The following ARHGEF11 variants were observed in gnomAD, a reference collection of about 807,000 sequenced individuals.
ARHGEF11 encodes the protein Rho guanine nucleotide exchange factor 11, also known as Rho guanine exchange factor (GEF) 11.
ARHGEF11 carries 55 observed loss-of-function variants against 193.7 expected under a neutral mutation model. The ratio of observed to expected loss-of-function variants is 0.28; its 90% CI spans 0.23 to 0.36. The LOEUF is 0.36. Ranked by LOEUF, ARHGEF11 falls within the 10% of genes least tolerant of loss-of-function variation. The pLI, the probability that ARHGEF11 is intolerant of heterozygous loss-of-function variation, is 1.00. For synonymous variants in ARHGEF11, 693 were observed against 768.0 expected (o/e 0.90, Z 1.62); for missense variants, 1,723 against 2,005.6 (o/e 0.86, Z 2.69).
chr1:156,967,954 A>T, intron 11 of ARHGEF11, 33 bp downstream of exon 11: 1 of 1,612,934 alleles, frequency 6.2e-7, no homozygotes, highest in Non-Finnish European at 8.5e-7. Context: ...TTCTGAGAAA[A>T]GGAAAACTGC....
intron 1 of ARHGEF11, among the ~76,000 whole-genome samples, chr1:156,992,906 A>G (rs1665964805): frequency 1.3e-5 from 2 of 152,200 alleles, no homozygotes; most frequent in Admixed American, 1.3e-4. Context: ...TTAAAGAAAC[A>G]AAGAGAAGCA....
chr1:157,043,703 T>C (rs1673031342), intron 1 of ARHGEF11, among the ~76,000 whole-genome samples: 1 of 152,152 alleles, frequency 6.6e-6, no homozygotes, highest in Non-Finnish European at 1.5e-5. Flanking sequence ...GGAGAGGAAA[T>C]TCTAATGTGA....
chr1:156,950,453 T>C (rs950114308), intron 22 of ARHGEF11, among the ~76,000 whole-genome samples: 6 of 151,610 alleles, frequency 4.0e-5, no homozygotes, highest in African/African-American at 7.3e-5. Context: ...CTGGGCAACA[T>C]AGTGAGACTG....
chr1:157,015,193 C>T (rs920972363), intron 1 of ARHGEF11, among the ~76,000 whole-genome samples: 2 of 152,156 alleles, frequency 1.3e-5, no homozygotes, highest in African/African-American at 4.8e-5. Context: ...TTCCCCTCTA[C>T]TTCAGGAATT....
At chr1:156,957,680 G>T in intron 18 of ARHGEF11, 112 bp downstream of exon 18, 1 of 1,197,644 alleles carries the variant, frequency 8.3e-7, no homozygotes, top group Non-Finnish European at 1.2e-6. Context: ...GGTCCTTCAT[G>T]GTTGTACAAC....
chr1:156,969,416 C>A, intron 9 of ARHGEF11, 58 bp from the exon 10 acceptor site: 1 of 1,510,716 alleles, frequency 6.6e-7, no homozygotes, highest in Admixed American at 1.9e-5. Flanking sequence ...GGAAAGAGAG[C>A]CTTTATTCTG....
In ARHGEF11 at chr1:156,978,246, A is replaced by T; in HGVS notation, c.468T>A (p.Pro156=). 6.2e-7 allele frequency: 1 copy of T among 1,614,086 alleles called. No homozygotes were observed. The highest frequency in any genetic ancestry group is 8.5e-7 in the Non-Finnish European group (1 of 1,180,000). ...SVIPSPPPPP[P]LPPPQRITGP... The stretch of plus-strand genomic sequence containing the variant: ...CTGTGATGCGTTGTGGAGGTGGTAG[A>T]GGTGGAGGAGGTGGTGGTGAGGGGA... The change falls in exon 6 of 41, where the codon CCT becomes CCA. Residue 156 remains proline (P), a synonymous_variant. Transcript: ENST00000368194.
chr1:156,951,808 G>C lies in ARHGEF11; in HGVS notation c.1799-109C>G, dbSNP rs372790561. Reference sequence around the variant, plus strand: ...GACAGAGCAATGAGCAAGCGTGGATGAGAACAGCACTGGACCAAGAGTCAG... The same window carrying C: ...GACAGAGCAATGAGCAAGCGTGGATCAGAACAGCACTGGACCAAGAGTCAG... On this transcript the variant is annotated intron_variant, in intron 21 of 40. Coordinates refer to ENST00000368194, the MANE Select transcript of ARHGEF11 (RefSeq NM_198236.3). The C allele has an allele frequency of 5.8e-4, 821 of 1,423,978 alleles. 12 individuals are homozygous for C. In the South Asian group the frequency reaches 1.0e-2, roughly 17 times the overall value. The allele number at this position is 1,423,978 out of a possible 1,614,324, so 88.2% of individuals were successfully genotyped here.
chr1:157,040,475 C>T (rs1185720009), intron 1 of ARHGEF11, among the ~76,000 whole-genome samples: 1 of 152,186 alleles, frequency 6.6e-6, no homozygotes, highest in African/African-American at 2.4e-5. Flanking sequence ...CAGAACAAAT[C>T]CTTTCTATCC....
chr1:156,946,525 CT>C, intron 28 of ARHGEF11, 136 bp downstream of exon 28: 1 of 1,283,680 alleles, frequency 7.8e-7, no homozygotes, highest in Non-Finnish European at 1.1e-6. Flanking sequence ...TGAGTCAGTG[CT>C]TTTGAGGAGC....
chr1:157,046,489 C>G (rs1216941971), upstream of ARHGEF11, among the ~76,000 whole-genome samples: 1 of 152,112 alleles, frequency 6.6e-6, no homozygotes, highest in Non-Finnish European at 1.5e-5. Context: ...ACATTTGTTG[C>G]GGCCTCCTTC....
In ARHGEF11 at chr1:156,938,507, A is replaced by C; in HGVS notation, c.4103T>G (p.Val1368Gly). ...TGCAGGGACAACCTTGCTGCCTGCC[A>C]CCTCAGCTGCACCGACACCACCACC... ...GGYKVVRKAE[V>G]AGSKVVPALP... Residue 1368 changes from valine (V) to glycine (G), a missense_variant, in exon 38 of 41, where the codon GTG (valine) becomes GGG (glycine). Physicochemically the swap from Val to Gly is moderately radical, Grantham distance 109. Around this residue, in one of 5 missense-constraint regions of ARHGEF11, gnomAD observed 360 missense variants for 344.4 expected, o/e 1.05. Transcript: ENST00000368194. 3 of 1,612,958 alleles carry C rather than the reference A, an allele frequency of 1.9e-6. No individual in the cohort carries two copies. Among genetic ancestry groups the C allele is most frequent in the Non-Finnish European group, 2.5e-6 (3 of 1,179,402 alleles).
At chr1:156,977,077 T>C (rs747157590) in intron 6 of ARHGEF11, 23 bp from the exon 7 acceptor site, 2 of 1,609,282 alleles carry the variant, frequency 1.2e-6, no homozygotes, top group Non-Finnish European at 1.7e-6. Flanking sequence ...AATATGGCAA[T>C]ATAAGAGTTA....
Position 156,935,904 on chromosome 1 carries a change from G to T in ARHGEF11, c.*96C>A. The T allele has an allele frequency of 7.4e-7, 1 of 1,359,394 alleles. No homozygotes were observed. The highest frequency in any genetic ancestry group is 1.4e-5 in the South Asian group (1 of 71,382). The allele number at this position is 1,359,394 out of a possible 1,614,324, so 84.2% of individuals were successfully genotyped here. A position where few individuals can be genotyped will look rare whatever the true frequency, so the allele number is the denominator to read the frequency against. ...AGTTTCCCTAACTGCCTCCTCCACA[G>T]GGAGGAGTGTTGGGATCCCCCCTAC... On this transcript the variant is annotated 3_prime_UTR_variant, in exon 41 of 41. Transcript: ENST00000368194.
intron 16 of ARHGEF11, 35 bp from the exon 17 acceptor site, chr1:156,958,899 T>C (rs776342690): frequency 4.3e-6 from 7 of 1,613,570 alleles, no homozygotes; most frequent in South Asian, 2.2e-5. Context: ...GAAAGAAATA[T>C]ACACAAATAC....
chr1:156,970,441 AGACT>A (rs1267507576), intron 8 of ARHGEF11, among the ~76,000 whole-genome samples: 1 of 152,252 alleles, frequency 6.6e-6, no homozygotes, highest in African/African-American at 2.4e-5. Context: ...CATTGGCCTG[AGACT>A]GACTGAGCTA....
At chr1:156,956,685 A>T in intron 18 of ARHGEF11, 121 bp from the exon 19 acceptor site, 2 of 1,410,642 alleles carry the variant, frequency 1.4e-6, no homozygotes, top group Non-Finnish European at 1.9e-6. Flanking sequence ...AAGTATTCAA[A>T]GAAAAGTCTA....
intron 7 of ARHGEF11, among the ~76,000 whole-genome samples, chr1:156,975,453 T>G (rs901693793): frequency 6.6e-6 from 1 of 152,250 alleles, no homozygotes; most frequent in African/African-American, 2.4e-5. Flanking sequence ...TGGCATTAGA[T>G]CCTTATCAGA....
At chr1:156,960,611 C>T (rs76865780) in intron 14 of ARHGEF11, 151 bp from the exon 15 acceptor site, 5 of 660,854 alleles carry the variant, frequency 7.6e-6, no homozygotes, top group Non-Finnish European at 7.8e-6. Flanking sequence ...TCCAACTGCA[C>T]ACCTGAATTC....
Sources: gnomAD v4.1 joint callset for allele counts (sites outside exome capture counted in the v4.1 genomes callset) on GRCh38, gnomAD v4.1.1 for gene constraint, gnomAD v4.1.1 regional missense constraint, MANE v1.5 for transcripts, NCBI Gene and HGNC (gene_info 2026-07-23, HGNC 2026-07-21) for gene names.